The following NUP155 variants were observed in gnomAD, a reference collection of about 807,000 sequenced individuals.
The protein encoded by NUP155 is nucleoporin 155.
In NUP155, 71 loss-of-function variants were observed where a neutral mutation model predicts 180.4. That is an observed-to-expected ratio of 0.39 (90% CI 0.33 to 0.48). NUP155 has a LOEUF of 0.48. Ranked by LOEUF, NUP155 falls within the 20% of genes least tolerant of loss-of-function variation. The probability of loss-of-function intolerance (pLI) is 0.91; values close to 1 mark genes in which losing one functional copy is unlikely to be tolerated. For synonymous variants in NUP155, 582 were observed against 559.5 expected (o/e 1.04, Z -0.57); for missense variants, 1,553 against 1,648.9 (o/e 0.94, Z 1.01).
In NUP155 at chr5:37,341,106, T is replaced by A; in HGVS notation, c.1230A>T (p.Arg410Ser). The A allele has an allele frequency of 6.2e-7, 1 of 1,612,832 alleles. No individual in the cohort carries two copies. Among genetic ancestry groups the A allele is most frequent in the Non-Finnish European group, 8.5e-7 (1 of 1,178,862 alleles). ...AGAACTTACCTTTACTATAAAGAGC[T>A]CTATGTACTTTTGAAGGCTTTTCCA... The part of the protein sequence containing the change: ...STVEKPSKVH[R>S]ALYSKGILLM... The change falls in exon 11 of 35, where the codon AGA becomes AGT. Residue 410 changes from arginine to serine, a missense_variant. By Grantham distance (110) the Arg-to-Ser change is moderately radical. Transcript: ENST00000231498.
intron 9 of NUP155, 21 bp from the exon 10 acceptor site, chr5:37,342,667 A>C: frequency 7.0e-7 from 1 of 1,434,370 alleles, no homozygotes; most frequent in Non-Finnish European, 9.8e-7. Flanking sequence ...GGAGAAAATA[A>C]AGTGTATTTT....
At chr5:37,342,768 ACT>A in intron 9 of NUP155, 122 bp from the exon 10 acceptor site, 4 of 692,870 alleles carry the variant, frequency 5.8e-6, no homozygotes, top group South Asian at 4.6e-5. Flanking sequence ...ATGTAGTCTC[ACT>A]CTGTCACCCA....
Position 37,299,319 on chromosome 5 carries a change from T to C in NUP155, c.3682+129A>G, listed in dbSNP as rs1581130359. The C allele has an allele frequency of 2.7e-6, 3 of 1,106,070 alleles. No individual in the cohort carries two copies. The East Asian group carries it at 7.2e-5, about 26-fold the overall frequency. The allele number at this position is 1,106,070 out of a possible 1,614,324, so 68.5% of individuals were successfully genotyped here. ...CCATACCCAGGTGACTTCCACTTAC[T>C]CTCTTCTTAGGTATACACAATTTTC... is the stretch of plus-strand genomic sequence containing the variant. On this transcript the variant is annotated intron_variant, in intron 31 of 34. Transcript: ENST00000231498.
chr5:37,348,407 C>T, intron 9 of NUP155, 98 bp downstream of exon 9: 6 of 827,508 alleles, frequency 7.3e-6, no homozygotes, highest in South Asian at 5.4e-5. Context: ...CTTTTAGAGA[C>T]ATTTTGATGA....
In NUP155 at chr5:37,294,005, C is replaced by CAAAA. The variant is rs70976294; in HGVS notation, c.3930+320_3930+323dup. On this transcript the variant is annotated intron_variant, in intron 33 of 34. Coordinates refer to ENST00000231498, the MANE Select transcript of NUP155 (RefSeq NM_153485.3). ...TGGGCAACAGAGCGAGACGCCGTCT[C>CAAAA]AAAAAAAAAAAAAAAAAAAAAAATA... Among the ~76,000 whole-genome samples the CAAAA allele has an allele frequency of 1.4e-3, 53 of 37,248 alleles. 6 individuals carry two copies. Among genetic ancestry groups the CAAAA allele is most frequent in the East Asian group, 7.1e-3 (11 of 1,558 alleles). The allele number at this position is 37,248 out of a possible 152,430, so 24.4% of individuals were successfully genotyped here.
chr5:37,361,265 CAA>C (rs35489900), intron 3 of NUP155, among the ~76,000 whole-genome samples: 863 of 77,904 alleles, frequency 0.011, 5 homozygotes, highest in African/African-American at 0.05. Context: ...GACTCTGTCT[CAA>C]AAAAAAAAAA....
chr5:37,322,043 C>T (rs1479912267), intron 20 of NUP155, among the ~76,000 whole-genome samples: 3 of 151,922 alleles, frequency 2.0e-5, no homozygotes, highest in Admixed American at 1.3e-4. Flanking sequence ...TTAGTAGAGA[C>T]GGGTTTTTCC....
In NUP155 at chr5:37,364,250, C is replaced by G; in HGVS notation, c.292G>C (p.Gly98Arg). 2 of 1,610,974 alleles carry G rather than the reference C, an allele frequency of 1.2e-6. No individual in the cohort carries two copies. The highest frequency in any genetic ancestry group is 1.7e-6 in the Non-Finnish European group (2 of 1,177,302). Residue 98 changes from glycine to arginine, a missense_variant, in exon 2 of 35, where the codon GGA becomes CGA. Coordinates refer to ENST00000231498, the MANE Select transcript of NUP155 (RefSeq NM_153485.3). ...PLPPELVEQF[G>R]HMQCNCMMGV... ...TAAATACAAAGTAATAGGATACGTC[C>G]AAACTGCTCAACAAGTTCAGGTGGG... is the stretch of plus-strand genomic sequence containing the variant.
At chr5:37,358,236 T>C in intron 3 of NUP155, 85 bp from the exon 4 acceptor site, 2 of 968,854 alleles carry the variant, frequency 2.1e-6, no homozygotes, top group Non-Finnish European at 1.7e-6. Flanking sequence ...CCCAGTACTT[T>C]GGGAGTCTGA....
intron 14 of NUP155, among the ~76,000 whole-genome samples, chr5:37,331,252 T>A (rs980799831): frequency 6.6e-6 from 1 of 152,002 alleles, no homozygotes; most frequent in Non-Finnish European, 1.5e-5. Flanking sequence ...ATACAGTGAC[T>A]TAGGCAAAGA....
chr5:37,308,684 G>A (rs772012186), intron 24 of NUP155, among the ~76,000 whole-genome samples: 18 of 151,354 alleles, frequency 1.2e-4, no homozygotes, highest in Non-Finnish European at 2.5e-4. Flanking sequence ...GACAGAGCAA[G>A]ACTCTGTCTC....
intron 1 of NUP155, among the ~76,000 whole-genome samples, chr5:37,368,566 T>A (rs1747754752): frequency 1.3e-5 from 2 of 151,654 alleles, no homozygotes; most frequent in South Asian, 4.2e-4. Context: ...ACACCTGTAA[T>A]CCCAACACTT....
intron 33 of NUP155, 168 bp from the exon 34 acceptor site, chr5:37,293,153 AAAC>A (rs1166015033): frequency 2.4e-5 from 14 of 584,944 alleles, no homozygotes; most frequent in African/African-American, 2.3e-4. Context: ...TTAATATTTC[AAAC>A]AACATTAAAA....
intron 1 of NUP155, among the ~76,000 whole-genome samples, chr5:37,368,201 C>T (rs1035626254): frequency 2.1e-5 from 3 of 142,642 alleles, no homozygotes; most frequent in African/African-American, 7.8e-5. Flanking sequence ...TGAGGCACAG[C>T]GCCAGGCCTT....
At chr5:37,324,397 G>A (rs1028716396) in intron 19 of NUP155, among the ~76,000 whole-genome samples, 3 of 152,004 alleles carry the variant, frequency 2.0e-5, no homozygotes, top group African/African-American at 7.3e-5. Context: ...ACCAAAGAAA[G>A]TTTCCTATGT....
In NUP155 at chr5:37,353,108, T is replaced by C. The variant is rs183787264; in HGVS notation, c.464-279A>G. 2.4e-3 allele frequency among the ~76,000 whole-genome samples: 359 copies of C among 151,742 alleles called. 1 individual carries two copies. Among genetic ancestry groups the C allele is most frequent in the Non-Finnish European group, 3.3e-3 (227 of 68,004 alleles). On this transcript the variant is annotated intron_variant, in intron 4 of 34. Coordinates refer to ENST00000231498, the MANE Select transcript of NUP155 (RefSeq NM_153485.3). ...TCAGTATTTAATGCTATTTTAAAAG[T>C]GTTATATTACAAAATAGTTTAAATA... is the stretch of plus-strand genomic sequence containing the variant.
At chr5:37,357,990 C>T in intron 4 of NUP155, 91 bp downstream of exon 4, 4 of 921,042 alleles carry the variant, frequency 4.3e-6, no homozygotes, top group South Asian at 3.9e-5. Context: ...GAGACTCCAT[C>T]TCGAAAAAAA....
intron 24 of NUP155, among the ~76,000 whole-genome samples, chr5:37,308,309 T>C (rs954727237): frequency 9.2e-5 from 14 of 152,132 alleles, no homozygotes; most frequent in Non-Finnish European, 2.1e-4. Context: ...TCCTAGCACT[T>C]TGAGAGGCTG....
At chr5:37,313,486 TGTG>T (rs1440125858) in intron 22 of NUP155, among the ~76,000 whole-genome samples, 1 of 148,304 alleles carries the variant, frequency 6.7e-6, no homozygotes, top group African/African-American at 2.5e-5. Context: ...TGTGTGTGTG[TGTG>T]TGTGTGTGTG....
Sources: allele counts gnomAD v4.1 joint callset (sites outside exome capture counted in the v4.1 genomes callset), GRCh38; gene constraint gnomAD v4.1.1; transcripts MANE v1.5; gene names NCBI Gene and HGNC (gene_info 2026-07-23, HGNC 2026-07-21).